The following THADA variants were observed in gnomAD, a reference collection of about 807,000 sequenced individuals.
THADA encodes THADA armadillo repeat containing, also known as tRNA (32-2'-O)-methyltransferase regulator THADA.
In THADA, 213 loss-of-function variants were observed where a neutral mutation model predicts 219.8. The observed-to-expected ratio is 0.97, with a 90% CI of 0.87 to 1.09. The LOEUF is 1.09. Ranked by LOEUF, THADA falls within the 50% of genes least tolerant of loss-of-function variation. The pLI is 0.00. For synonymous variants in THADA, 1,018 were observed against 828.9 expected, an observed-to-expected ratio of 1.23 and a Z score of -3.92; for missense variants, 2,956 against 2,311.3, an observed-to-expected ratio of 1.28 and a Z score of -5.72.
intron 28 of THADA, among the ~76,000 whole-genome samples, chr2:43,423,555 C>G (rs1368998322): frequency 2.0e-5 from 3 of 151,936 alleles, no homozygotes; most frequent in Non-Finnish European, 2.9e-5. Flanking sequence ...GCCTTAGCCT[C>G]TCGAGTAGCT....
chr2:43,258,743 G>GC (rs1330719235), intron 36 of THADA, among the ~76,000 whole-genome samples: 1 of 152,172 alleles, frequency 6.6e-6, no homozygotes, highest in Admixed American at 6.5e-5. Flanking sequence ...GAATGAAGCA[G>GC]CACAGAGACT....
At chr2:43,407,735 C>T (rs545253876) in intron 28 of THADA, among the ~76,000 whole-genome samples, 1 of 125,396 alleles carries the variant, frequency 8.0e-6, no homozygotes, top group African/African-American at 3.0e-5. Flanking sequence ...TACTGAGTGC[C>T]TGCTAGATGC....
intron 22 of THADA, among the ~76,000 whole-genome samples, chr2:43,524,575 C>T (rs1692922670): frequency 6.6e-6 from 1 of 152,090 alleles, no homozygotes; most frequent in Admixed American, 6.5e-5. Context: ...GCTTATAAAA[C>T]GCTCTCAAAA....
intron 28 of THADA, among the ~76,000 whole-genome samples, chr2:43,411,159 C>T (rs1676248464): frequency 6.6e-6 from 1 of 152,172 alleles, no homozygotes; most frequent in African/African-American, 2.4e-5. Context: ...TTCACATGTT[C>T]TAGACAGGCT....
chr2:43,420,181 C>G (rs916527457), intron 28 of THADA, among the ~76,000 whole-genome samples: 12 of 152,198 alleles, frequency 7.9e-5, no homozygotes, highest in Admixed American at 5.9e-4. Flanking sequence ...TTTGGGAAAG[C>G]CTCCCGGACT....
intron 17 of THADA, among the ~76,000 whole-genome samples, chr2:43,555,052 G>C (rs115027832): frequency 0.015 from 2,262 of 151,936 alleles, 26 homozygotes; most frequent in Middle Eastern, 0.02. Flanking sequence ...CAACCTATAT[G>C]TAAAAGATCT....
intron 19 of THADA, among the ~76,000 whole-genome samples, chr2:43,550,321 A>G (rs565755481): frequency 6.6e-6 from 1 of 152,342 alleles, no homozygotes; most frequent in South Asian, 2.1e-4. Context: ...ACAAACACGC[A>G]AATTACTATC....
At chr2:43,433,518 G>C (rs1245167958) in intron 26 of THADA, among the ~76,000 whole-genome samples, 4 of 151,868 alleles carry the variant, frequency 2.6e-5, no homozygotes, top group African/African-American at 9.7e-5. Flanking sequence ...GACAGAGTGA[G>C]ACTCCATCTC....
At chr2:43,392,757 T>C (rs1315490961) in intron 29 of THADA, among the ~76,000 whole-genome samples, 1 of 152,138 alleles carries the variant, frequency 6.6e-6, no homozygotes, top group Non-Finnish European at 1.5e-5. Context: ...CATTGTATCT[T>C]CTGTCTCCTC....
At chr2:43,589,347 T>C (rs1474336949) in intron 4 of THADA, among the ~76,000 whole-genome samples, 1 of 152,226 alleles carries the variant, frequency 6.6e-6, no homozygotes, top group East Asian at 1.9e-4. Context: ...AAGGACATTA[T>C]GTTAAGTGAA....
At chr2:43,467,279 A>G (rs1292972760) in intron 26 of THADA, among the ~76,000 whole-genome samples, 1 of 152,096 alleles carries the variant, frequency 6.6e-6, no homozygotes, top group Non-Finnish European at 1.5e-5. Context: ...AAGAAAAAAA[A>G]CCTTTCATGT....
rs575451511 is a variant in THADA, at chr2:43,370,011, G to C, written c.4228-25774C>G. Reference sequence around the variant, plus strand: ...TTATACTGCTTTACATCCATTCAGTGCTTAATTAGCACAGTACTGAGCATT... The same window carrying C: ...TTATACTGCTTTACATCCATTCAGTCCTTAATTAGCACAGTACTGAGCATT... On this transcript the variant is annotated intron_variant, in intron 29 of 37. Transcript: ENST00000405975. 5 of 152,260 alleles carry C rather than the reference G, an allele frequency of 3.3e-5. No homozygotes were observed. In the South Asian group the frequency reaches 8.3e-4, roughly 25 times the overall value. The allele number at this position is 152,260 out of a possible 1,614,324, so 9.4% of individuals were successfully genotyped here.
chr2:43,272,896 G>A (rs1451055400), intron 36 of THADA, among the ~76,000 whole-genome samples: 1 of 152,022 alleles, frequency 6.6e-6, no homozygotes, highest in Admixed American at 6.5e-5. Flanking sequence ...AAAGTGCTGG[G>A]ATTACAGGTA....
intron 30 of THADA, among the ~76,000 whole-genome samples, chr2:43,341,689 G>C (rs1196532198): frequency 6.6e-6 from 1 of 152,156 alleles, no homozygotes; most frequent in African/African-American, 2.4e-5. Flanking sequence ...TAGGATACTT[G>C]GGACAGTCCT....
chr2:43,310,228 C>G (rs920357727), intron 31 of THADA, among the ~76,000 whole-genome samples: 11 of 110,402 alleles, frequency 1.0e-4, no homozygotes, highest in Non-Finnish European at 1.6e-4. Context: ...CCTTTCCCGC[C>G]CCCCCCCCAA....
Position 43,231,005 on chromosome 2 carries a change from C to CCAAA in THADA, c.5801_5804dup (p.Trp1935CysfsTer?). ...ACTGCCTCGATTCTGCATAAGAGTC[C>CCAAA]CAAACACTGAGAACTAGGGTGTCTT... On this transcript the variant is annotated frameshift_variant, in exon 38 of 38. Coordinates refer to ENST00000405975, the MANE Select transcript of THADA (RefSeq NM_022065.5). LOFTEE classifies it high-confidence loss of function. 4 of 1,613,916 alleles carry CCAAA rather than the reference C, an allele frequency of 2.5e-6. No individual in the cohort carries two copies. Among genetic ancestry groups the CCAAA allele is most frequent in the Non-Finnish European group, 3.4e-6 (4 of 1,179,852 alleles).
chr2:43,481,618 G>T (rs1342319336), intron 26 of THADA, among the ~76,000 whole-genome samples: 17 of 152,040 alleles, frequency 1.1e-4, no homozygotes, highest in Admixed American at 1.1e-3. Flanking sequence ...TTTTTATATG[G>T]TGTCTCCTAT....
At chr2:43,417,086 A>G (rs1464802236) in intron 28 of THADA, among the ~76,000 whole-genome samples, 8 of 134,174 alleles carry the variant, frequency 6.0e-5, no homozygotes, top group African/African-American at 2.4e-4. Flanking sequence ...TTTCTTTATA[A>G]GAGAGTAAAA....
chr2:43,496,862 T>G (rs1235971578), intron 25 of THADA, among the ~76,000 whole-genome samples: 4 of 152,164 alleles, frequency 2.6e-5, no homozygotes, highest in Non-Finnish European at 5.9e-5. Context: ...CATTGCAGCA[T>G]TATTCATAAT....
Sources: gnomAD v4.1 joint callset for allele counts (sites outside exome capture counted in the v4.1 genomes callset) on GRCh38, gnomAD v4.1.1 for gene constraint, MANE v1.5 for transcripts, NCBI Gene and HGNC (gene_info 2026-07-23, HGNC 2026-07-21) for gene names.